Variants in SIPA1L1 observed in about 807,000 individuals in gnomAD.
The protein encoded by SIPA1L1 is signal-induced proliferation-associated 1-like protein 1.
In SIPA1L1, 26 loss-of-function variants were observed where a neutral mutation model predicts 162.7. That is an observed-to-expected ratio of 0.16 (90% CI 0.12 to 0.22). The LOEUF (loss-of-function observed/expected upper bound fraction) is 0.22, where lower values mean the gene tolerates loss of function less well. Among genes scored for constraint, SIPA1L1 ranks in the 10% least tolerant of loss-of-function variants. SIPA1L1 has a pLI of 1.00. For missense variants in SIPA1L1, 1,874 were observed against 2,241.0 expected (o/e 0.84, Z 3.31); for synonymous variants, 829 against 837.4 (o/e 0.99, Z 0.17).
intron 2 of SIPA1L1, among the ~76,000 whole-genome samples, chr14:71,504,795 TTTAACTTGGGAC>T (rs2050523849): frequency 6.6e-6 from 1 of 152,182 alleles, no homozygotes; most frequent in Non-Finnish European, 1.5e-5. Context: ...TTATTTGGGG[TTTAACTTGGGAC>T]TTCTACCTTT....
chr14:71,647,760 A>G (rs146765546), intron 7 of SIPA1L1, among the ~76,000 whole-genome samples: 2 of 152,198 alleles, frequency 1.3e-5, no homozygotes, highest in Admixed American at 6.5e-5. Flanking sequence ...TAGGGTACTT[A>G]GCTCAATTCT....
At chr14:71,329,507 C>G (rs2034259750) in intron 2 of SIPA1L1, among the ~76,000 whole-genome samples, 2 of 151,190 alleles carry the variant, frequency 1.3e-5, no homozygotes, top group African/African-American at 4.9e-5. Flanking sequence ...GTGGTGCCAT[C>G]TCAGCTCACT....
intron 10 of SIPA1L1, among the ~76,000 whole-genome samples, chr14:71,668,526 T>C (rs1406835135): frequency 1.3e-5 from 2 of 152,238 alleles, no homozygotes; most frequent in Non-Finnish European, 1.5e-5. Context: ...AGTGAGAAGA[T>C]ATTTTTATAT....
At chr14:71,329,707 T>C (rs1343587898) in intron 2 of SIPA1L1, among the ~76,000 whole-genome samples, 1 of 152,240 alleles carries the variant, frequency 6.6e-6, no homozygotes, top group Non-Finnish European at 1.5e-5. Context: ...ATGAAGTTGA[T>C]TGTATTTTCA....
chr14:71,373,477 T>C (rs530007907), intron 2 of SIPA1L1, among the ~76,000 whole-genome samples: 1 of 151,042 alleles, frequency 6.6e-6, no homozygotes, highest in South Asian at 2.1e-4. Flanking sequence ...ATAAGCAAAT[T>C]AGCTGGGTGT....
chr14:71,665,341 A>C (rs2043897847), intron 10 of SIPA1L1, among the ~76,000 whole-genome samples: 1 of 152,210 alleles, frequency 6.6e-6, no homozygotes, highest in Admixed American at 6.5e-5. Context: ...CTTATATAGG[A>C]ATAACTGACT....
chr14:71,634,098 T>C (rs1209352622), intron 7 of SIPA1L1, among the ~76,000 whole-genome samples: 1 of 150,226 alleles, frequency 6.7e-6, no homozygotes, highest in Non-Finnish European at 1.5e-5. Flanking sequence ...ATAAATGACA[T>C]GTTACCTATA....
chr14:71,601,736 C>T (rs1472298707), intron 5 of SIPA1L1, among the ~76,000 whole-genome samples: 1 of 152,032 alleles, frequency 6.6e-6, no homozygotes, highest in Non-Finnish European at 1.5e-5. Context: ...TATTGGGAGA[C>T]TTTTTATTAC....
chr14:71,325,424 G>A (rs2033678558), intron 2 of SIPA1L1, among the ~76,000 whole-genome samples: 1 of 152,132 alleles, frequency 6.6e-6, no homozygotes, highest in Admixed American at 6.5e-5. Flanking sequence ...TGTGGCTTCT[G>A]GGTCTTTTAA....
chr14:71,405,746 T>C (rs2140154892), intron 2 of SIPA1L1, among the ~76,000 whole-genome samples: 1 of 152,360 alleles, frequency 6.6e-6, no homozygotes, highest in African/African-American at 2.4e-5. Context: ...CTTTGGCTAC[T>C]GCTACTGCTG....
chr14:71,518,100 A>G (rs1356098438), intron 3 of SIPA1L1, among the ~76,000 whole-genome samples: 1 of 152,006 alleles, frequency 6.6e-6, no homozygotes, highest in Admixed American at 6.6e-5. Flanking sequence ...CCTGGGCAAC[A>G]TGGCAAAACC....
At chr14:71,408,838 A>G (rs1388887072) in intron 2 of SIPA1L1, among the ~76,000 whole-genome samples, 1 of 152,180 alleles carries the variant, frequency 6.6e-6, no homozygotes, top group East Asian at 1.9e-4. Flanking sequence ...GGAGTCAGAC[A>G]GCTGTGGGCT....
chr14:71,519,879 A>G (rs1300784338), intron 3 of SIPA1L1, among the ~76,000 whole-genome samples: 3 of 152,174 alleles, frequency 2.0e-5, no homozygotes, highest in East Asian at 1.9e-4. Context: ...GTGATTAATT[A>G]TAGTAAACAA....
At chr14:71,393,128 C>T (rs1318408643) in intron 2 of SIPA1L1, among the ~76,000 whole-genome samples, 2 of 152,170 alleles carry the variant, frequency 1.3e-5, no homozygotes, top group Non-Finnish European at 2.9e-5. Context: ...ATTAAATATT[C>T]CAATAGGATA....
intron 4 of SIPA1L1, among the ~76,000 whole-genome samples, chr14:71,570,444 T>G (rs979739217): frequency 6.6e-6 from 1 of 151,976 alleles, no homozygotes; most frequent in South Asian, 2.1e-4. Flanking sequence ...GGCTAAAGTT[T>G]TGTAGTGATA....
At chr14:71,625,977 T>C (rs1206752266) in intron 7 of SIPA1L1, among the ~76,000 whole-genome samples, 1 of 152,194 alleles carries the variant, frequency 6.6e-6, no homozygotes, top group Non-Finnish European at 1.5e-5. Context: ...CAGACGGTGC[T>C]GATCTGTGAT....
chr14:71,437,361 A>G (rs970506569), intron 2 of SIPA1L1, among the ~76,000 whole-genome samples: 3 of 152,010 alleles, frequency 2.0e-5, no homozygotes, highest in Non-Finnish European at 4.4e-5. Context: ...AACTACATAT[A>G]TATTTTACAA....
At chr14:71,563,140 A>G (rs1477711234) in intron 4 of SIPA1L1, among the ~76,000 whole-genome samples, 1 of 152,160 alleles carries the variant, frequency 6.6e-6, no homozygotes, top group African/African-American at 2.4e-5. Context: ...TATTTGTCTA[A>G]TTATTGTGAT....
intron 2 of SIPA1L1, among the ~76,000 whole-genome samples, chr14:71,442,174 A>AG (rs2044934929): frequency 7.7e-6 from 1 of 129,176 alleles, no homozygotes. Flanking sequence ...CTCTGTCTCA[A>AG]AAAAAAAAAA....
Sources: gnomAD v4.1 joint callset for allele counts (sites outside exome capture counted in the v4.1 genomes callset) on GRCh38, gnomAD v4.1.1 for gene constraint, MANE v1.5 for transcripts, NCBI Gene and HGNC (gene_info 2026-07-23, HGNC 2026-07-21) for gene names.